CASC3: variants seen among roughly 807,000 people sequenced by gnomAD.
CASC3 encodes protein CASC3.
In CASC3, 30 loss-of-function variants were observed where a neutral mutation model predicts 80.5. The observed-to-expected ratio is 0.37, with a 90% CI of 0.28 to 0.51. The LOEUF (loss-of-function observed/expected upper bound fraction) is 0.51. Ranked by LOEUF, CASC3 falls within the 20% of genes least tolerant of loss-of-function variation. The pLI is 0.94. For missense variants in CASC3, 824 were observed against 922.2 expected (o/e 0.89, Z 1.38); for synonymous variants, 312 against 333.6 (o/e 0.94, Z 0.70).
At chr17:40,143,213 A>C (rs1988768721) in intron 3 of CASC3, among the ~76,000 whole-genome samples, 1 of 152,200 alleles carries the variant, frequency 6.6e-6, no homozygotes, top group African/African-American at 2.4e-5. Context: ...TGGGAGGCCA[A>C]GGTGGGCCAG....
At position 40,140,548 on chromosome 17, in the gene CASC3, G is replaced by A. The variant is rs745384918; in HGVS notation, c.-1G>A. ...CGCCGGTGGTGGCCGTTCTCCGTAA[G>A]ATGGCGGACCGGCGGCGGCAGCGCG... On this transcript the variant is annotated 5_prime_UTR_variant, in exon 1 of 14. Transcript: ENST00000264645. The A allele has an allele frequency of 7.5e-6, 12 of 1,606,808 alleles. No homozygotes were observed. In the South Asian group the frequency reaches 1.1e-4, roughly 15 times the overall value.
chr17:40,167,935 C>T lies in CASC3; in HGVS notation c.1737C>T (p.Asn579=). The change falls in exon 10 of 14, where the codon AAC becomes AAT. Residue 579 remains asparagine (N), a synonymous_variant. Transcript: ENST00000264645. ...GCATGCTTGTGCAGCCAGGAATGAA[C>T]CTTCCCCACCCAGGTAAGCTTTGTG... is the stretch of plus-strand genomic sequence containing the variant. ...PQGMLVQPGM[N]LPHPGLHPHQ... 1 of 1,614,062 alleles carries T rather than the reference C, an allele frequency of 6.2e-7. No individual in the cohort carries two copies. Among genetic ancestry groups the T allele is most frequent in the Non-Finnish European group, 8.5e-7 (1 of 1,179,948 alleles).
At chr17:40,143,419 C>A (rs377025852) in intron 3 of CASC3, among the ~76,000 whole-genome samples, 4 of 152,254 alleles carry the variant, frequency 2.6e-5, no homozygotes, top group South Asian at 4.1e-4. Context: ...GTACTCCAGC[C>A]TGGGCAACAG....
chr17:40,151,185 A>G (rs936287536), intron 3 of CASC3, among the ~76,000 whole-genome samples: 3 of 152,056 alleles, frequency 2.0e-5, no homozygotes, highest in Non-Finnish European at 4.4e-5. Flanking sequence ...CCTGGGCAAC[A>G]TAGTGAGACC....
chr17:40,145,594 A>G (rs1170489987), intron 3 of CASC3, among the ~76,000 whole-genome samples: 1 of 151,996 alleles, frequency 6.6e-6, no homozygotes, highest in East Asian at 1.9e-4. Context: ...AATAAAGACA[A>G]ATTGGTGAGC....
At chr17:40,160,306 A>C (rs1293455352) in intron 3 of CASC3, among the ~76,000 whole-genome samples, 1 of 152,138 alleles carries the variant, frequency 6.6e-6, no homozygotes, top group Non-Finnish European at 1.5e-5. Flanking sequence ...CTGCCTAGGC[A>C]ACATAGCGAG....
In CASC3 at chr17:40,171,373, CT is replaced by C. The variant is rs1369978589; in HGVS notation, c.*971del. The C allele has an allele frequency of 1.0e-6, 1 of 985,996 alleles. No individual in the cohort carries two copies. The highest frequency in any genetic ancestry group is 1.2e-6 in the Non-Finnish European group (1 of 830,070). 61.1% of individuals were successfully genotyped at this position (985,996 alleles called of 1,614,324 possible). ...GGAATTAGAGGGCCTTGCTTCTCTT[CT>C]TTCCATTCTTCTTGCTACACCCCTT... On this transcript the variant is annotated 3_prime_UTR_variant, in exon 14 of 14. Coordinates refer to ENST00000264645, the MANE Select transcript of CASC3 (RefSeq NM_007359.5).
intron 3 of CASC3, among the ~76,000 whole-genome samples, chr17:40,152,909 T>C (rs1040198080): frequency 1.3e-5 from 2 of 152,054 alleles, no homozygotes; most frequent in African/African-American, 4.8e-5. Context: ...CCTGAGTAGT[T>C]GGGATTACAA....
rs562690970 is a variant in CASC3, at chr17:40,161,342, T to C, written c.298-411T>C. Among the ~76,000 whole-genome samples the C allele has an allele frequency of 4.2e-4, 64 of 152,306 alleles. 3 individuals carry two copies. In the South Asian group the frequency reaches 0.012, roughly 30 times the overall value. On this transcript the variant is annotated intron_variant, in intron 3 of 13. Coordinates refer to ENST00000264645, the MANE Select transcript of CASC3 (RefSeq NM_007359.5). Reference sequence around the variant, plus strand: ...TTGATTTGTTTGCTTTTCAGTTCTATGTTGTACTAAAAATTTATTGATAAA... The same window carrying C: ...TTGATTTGTTTGCTTTTCAGTTCTACGTTGTACTAAAAATTTATTGATAAA...
At position 40,158,571 on chromosome 17, in the gene CASC3, CT is replaced by C. The variant is rs564717459; in HGVS notation, c.298-3181del. On this transcript the variant is annotated intron_variant, in intron 3 of 13. Transcript: ENST00000264645. Reference sequence around the variant, plus strand: ...CATGAGCCTTAGCTGCTGCCTTTTCCTACCTAGAACTAGCCACACGTCCATT... The same window carrying C: ...CATGAGCCTTAGCTGCTGCCTTTTCCACCTAGAACTAGCCACACGTCCATT... Among the ~76,000 whole-genome samples, 279 of 152,282 alleles carry C rather than the reference CT, an allele frequency of 1.8e-3. 2 individuals carry two copies. Among genetic ancestry groups the C allele is most frequent in the Admixed American group, 0.017 (255 of 15,272 alleles).
chr17:40,141,724 A>T lies in CASC3; in HGVS notation c.297+117A>T. 4 of 827,050 alleles carry T rather than the reference A, an allele frequency of 4.8e-6. No individual in the cohort carries two copies. In the South Asian group the frequency reaches 5.9e-5, roughly 12 times the overall value. The allele number at this position is 827,050 out of a possible 1,614,324, so 51.2% of individuals were successfully genotyped here. On this transcript the variant is annotated intron_variant, in intron 3 of 13. Coordinates refer to ENST00000264645, the MANE Select transcript of CASC3 (RefSeq NM_007359.5). ...GTGTTTATCCTCTTGTGTATTCTTCATTTATGCTTCTGAAAAAGTGTTACA... is the reference window on the plus strand; with the variant it reads ...GTGTTTATCCTCTTGTGTATTCTTCTTTTATGCTTCTGAAAAAGTGTTACA...
chr17:40,140,747 G>T lies in CASC3; in HGVS notation c.199G>T (p.Gly67Trp). Residue 67 changes from glycine to tryptophan, a missense_variant, in exon 1 of 14, where the codon GGG becomes TGG. Coordinates refer to ENST00000264645, the MANE Select transcript of CASC3 (RefSeq NM_007359.5). The part of the protein sequence containing the change: ...GALHLRRVES[G>W]GAKSAEESEC... Reference sequence around the variant, plus strand: ...CCTTCATCTGCGGCGGGTGGAGAGCGGGGGCGCCAAGAGTGCTGAGGAGTC... The same window carrying T: ...CCTTCATCTGCGGCGGGTGGAGAGCTGGGGCGCCAAGAGTGCTGAGGAGTC... The T allele has an allele frequency of 1.3e-6, 2 of 1,528,116 alleles. No homozygotes were observed. Among genetic ancestry groups the T allele is most frequent in the Non-Finnish European group, 1.8e-6 (2 of 1,138,142 alleles). 94.7% of individuals were successfully genotyped at this position (1,528,116 alleles called of 1,614,324 possible).
Position 40,163,945 on chromosome 17 carries a change from C to T in CASC3, c.1250C>T (p.Ala417Val). The change falls in exon 7 of 14, where the codon GCA (alanine) becomes GTA (valine). Residue 417 changes from alanine to valine, a missense_variant. Transcript: ENST00000264645. Reference protein sequence around the residue: ...ARRTRTKVGDAVKLAEEVPPP... With the variant: ...ARRTRTKVGDVVKLAEEVPPP... ...AGAACTCGAACCAAAGTTGGAGATGCAGTCAAGCTTGCAGAGGAGGTGCCC... is the reference window on the plus strand; with the variant it reads ...AGAACTCGAACCAAAGTTGGAGATGTAGTCAAGCTTGCAGAGGAGGTGCCC... 6.2e-7 allele frequency: 1 copy of T among 1,614,106 alleles called. No homozygotes were observed. The highest frequency in any genetic ancestry group is 8.5e-7 in the Non-Finnish European group (1 of 1,180,032).
At position 40,163,843 on chromosome 17, in the gene CASC3, C is replaced by T; in HGVS notation, c.1148C>T (p.Pro383Leu). The change falls in exon 7 of 14, where the codon CCA becomes CTA. Residue 383 changes from proline to leucine, a missense_variant. Around this residue, in one of 3 missense-constraint regions of CASC3, gnomAD observed 464 missense variants for 506.0 expected, o/e 0.92. Coordinates refer to ENST00000264645, the MANE Select transcript of CASC3 (RefSeq NM_007359.5). ...SPEKEEAASE[P>L]PAAAPDAAPP... ...GAGAAGGAAGAGGCAGCCTCAGAGC[C>T]ACCAGCTGCTGCTCCTGATGCTGCA... The T allele has an allele frequency of 6.2e-7, 1 of 1,614,150 alleles. No homozygotes were observed. Among genetic ancestry groups the T allele is most frequent in the Non-Finnish European group, 8.5e-7 (1 of 1,180,024 alleles).
intron 3 of CASC3, among the ~76,000 whole-genome samples, chr17:40,160,168 A>G (rs761648042): frequency 6.6e-6 from 1 of 152,262 alleles, no homozygotes; most frequent in African/African-American, 2.4e-5. Flanking sequence ...AACTTACGTC[A>G]AAGTATAGTT....
At chr17:40,140,978 A>T in intron 1 of CASC3, 199 bp downstream of exon 1, 1 of 633,908 alleles carries the variant, frequency 1.6e-6, no homozygotes, top group Non-Finnish European at 2.7e-6. Flanking sequence ...GGTTTCTGGG[A>T]GGATGGTAGA....
At position 40,144,260 on chromosome 17, in the gene CASC3, AAAAAAC is replaced by A. The variant is rs758658354; in HGVS notation, c.297+2670_297+2675del. On this transcript the variant is annotated intron_variant, in intron 3 of 13. Coordinates refer to ENST00000264645, the MANE Select transcript of CASC3 (RefSeq NM_007359.5). ...GGCAACAAGAGGGAAACTCTGTCTCAAAAAACAAAAACAAAAACAAAACTCATGTAC... is the reference window on the plus strand; with the variant it reads ...GGCAACAAGAGGGAAACTCTGTCTCAAAAAACAAAAACAAAACTCATGTAC... Among the ~76,000 whole-genome samples the A allele has an allele frequency of 1.5e-3, 227 of 152,260 alleles. 1 individual carries two copies. Among genetic ancestry groups the A allele is most frequent in the African/African-American group, 2.5e-3 (104 of 41,560 alleles).
Position 40,167,894 on chromosome 17 carries a change from C to G in CASC3, c.1696C>G (p.Pro566Ala). The G allele has an allele frequency of 6.2e-7, 1 of 1,614,170 alleles. No individual in the cohort carries two copies. The highest frequency in any genetic ancestry group is 8.5e-7 in the Non-Finnish European group (1 of 1,180,024). Residue 566 changes from proline (P) to alanine (A), a missense_variant, in exon 10 of 14, where the codon CCG becomes GCG. This residue lies in a region of CASC3 where 464 missense variants were observed against 506.0 expected (regional missense o/e 0.92). Transcript: ENST00000264645. ...CTATACCCATGGTGACAGCCCTGCCCCGCTGCCTCCACAGGGCATGCTTGT... is the reference window on the plus strand; with the variant it reads ...CTATACCCATGGTGACAGCCCTGCCGCGCTGCCTCCACAGGGCATGCTTGT... ...PIYTHGDSPA[P>A]LPPQGMLVQP...
chr17:40,151,524 T>C (rs1348500411), intron 3 of CASC3, among the ~76,000 whole-genome samples: 1 of 151,558 alleles, frequency 6.6e-6, no homozygotes, highest in Non-Finnish European at 1.5e-5. Flanking sequence ...TAAGACCTTA[T>C]CTCTATAAAA....
Sources: allele counts gnomAD v4.1 joint callset (sites outside exome capture counted in the v4.1 genomes callset), GRCh38; gene constraint gnomAD v4.1.1; regional missense constraint gnomAD v4.1.1; transcripts MANE v1.5; gene names NCBI Gene and HGNC (gene_info 2026-07-23, HGNC 2026-07-21).